Variants in GADL1 observed in about 807,000 individuals in gnomAD.
The protein encoded by GADL1 is acidic amino acid decarboxylase GADL1.
GADL1 carries 71 observed loss-of-function variants against 69.5 expected under a neutral mutation model. That is an observed-to-expected ratio of 1.02 (90% CI 0.84 to 1.25). The LOEUF (loss-of-function observed/expected upper bound fraction) is 1.25, where lower values mean the gene tolerates loss of function less well. Among genes scored for constraint, GADL1 ranks in the 50% most tolerant of loss-of-function variants. The pLI is 0.00. For synonymous variants in GADL1, 254 were observed against 214.4 expected, an observed-to-expected ratio of 1.18 and a Z score of -1.62; for missense variants, 737 against 631.8, an observed-to-expected ratio of 1.17 and a Z score of -1.79.
intron 14 of GADL1, among the ~76,000 whole-genome samples, chr3:30,773,471 G>A (rs9866328): frequency 0.16 from 24,998 of 151,992 alleles, 2,580 homozygotes; most frequent in Non-Finnish European, 0.22. Flanking sequence ...AAAAGAAATC[G>A]CCTGCAACTT....
intron 11 of GADL1, among the ~76,000 whole-genome samples, chr3:30,831,557 A>C (rs1267928969): frequency 1.3e-5 from 2 of 152,002 alleles, no homozygotes; most frequent in African/African-American, 4.8e-5. Flanking sequence ...ACATTTCAAA[A>C]TTACCCCAAA....
intron 1 of GADL1, among the ~76,000 whole-genome samples, chr3:30,892,647 T>C (rs1345955347): frequency 6.6e-6 from 1 of 152,170 alleles, no homozygotes; most frequent in Non-Finnish European, 1.5e-5. Flanking sequence ...GGTTTTTTTG[T>C]TACTGTTTTT....
At chr3:30,884,256 G>C (rs1464244351) in intron 1 of GADL1, among the ~76,000 whole-genome samples, 1 of 152,026 alleles carries the variant, frequency 6.6e-6, no homozygotes, top group African/African-American at 2.4e-5. Context: ...ATGAAGCCCA[G>C]CTGGGGAAGG....
At position 30,875,315 on chromosome 3, in the gene GADL1, G is replaced by T. The variant is rs1302562769; in HGVS notation, c.38-13550C>A. ...AAGAAAGGATTCTGAAACCAATTTTGCAATCTATCATAGTCCAGTCTCTGA... is the reference window on the plus strand; with the variant it reads ...AAGAAAGGATTCTGAAACCAATTTTTCAATCTATCATAGTCCAGTCTCTGA... On this transcript the variant is annotated intron_variant, in intron 1 of 14. Transcript: ENST00000282538. 2.0e-5 allele frequency among the ~76,000 whole-genome samples: 3 copies of T among 151,712 alleles called. No homozygotes were observed. The East Asian group carries it at 5.9e-4, about 30-fold the overall frequency.
chr3:30,732,975 G>A (rs577299378), intron 14 of GADL1, among the ~76,000 whole-genome samples: 56 of 152,212 alleles, frequency 3.7e-4, no homozygotes, highest in African/African-American at 1.1e-3. Context: ...GGGACGCAGG[G>A]GTTGTGGTGA....
rs762467935 is a variant in GADL1, at chr3:30,839,109, G to GC, written c.790dup (p.Ala264GlyfsTer19). On this transcript the variant is annotated frameshift_variant, in exon 9 of 15. Coordinates refer to ENST00000282538, the MANE Select transcript of GADL1 (RefSeq NM_207359.3). LOFTEE classifies it high-confidence loss of function. ...AGTGGCACAGACAAGAAACGGTGCT[G>GC]CCCCCTGTAAGAAGGATCCACACAC... The GC allele has an allele frequency of 1.9e-6, 3 of 1,580,144 alleles. No homozygotes were observed. Among genetic ancestry groups the GC allele is most frequent in the South Asian group, 1.2e-5 (1 of 85,066 alleles).
chr3:30,770,158 A>C (rs1405503069), intron 14 of GADL1, among the ~76,000 whole-genome samples: 2 of 152,066 alleles, frequency 1.3e-5, no homozygotes, highest in African/African-American at 4.8e-5. Context: ...ATCACTCCCT[A>C]CTATGTTATG....
At chr3:30,762,019 C>T (rs1244956561) in intron 14 of GADL1, among the ~76,000 whole-genome samples, 1 of 152,152 alleles carries the variant, frequency 6.6e-6, no homozygotes, top group Non-Finnish European at 1.5e-5. Flanking sequence ...GAGTACAGGT[C>T]TTGCAATGTG....
chr3:30,846,772 G>A (rs528808517), intron 6 of GADL1, among the ~76,000 whole-genome samples: 3 of 152,138 alleles, frequency 2.0e-5, no homozygotes, highest in Non-Finnish European at 4.4e-5. Flanking sequence ...GATGTCCTAC[G>A]AAGCACCTGC....
intron 4 of GADL1, 93 bp from the exon 5 acceptor site, chr3:30,851,034 G>A: frequency 7.0e-6 from 5 of 717,984 alleles, no homozygotes; most frequent in Non-Finnish European, 1.2e-5. Context: ...ATTAAACCAA[G>A]TGGCTGCTGA....
At chr3:30,849,952 G>A (rs1441002120) in intron 6 of GADL1, 44 bp downstream of exon 6, 1 of 1,165,442 alleles carries the variant, frequency 8.6e-7, no homozygotes. Flanking sequence ...TCTTAAATAT[G>A]CTTTCTCAGA....
intron 11 of GADL1, among the ~76,000 whole-genome samples, chr3:30,821,969 A>T (rs869484): frequency 0.54 from 82,008 of 151,872 alleles, 25,931 homozygotes; most frequent in African/African-American, 0.88. Context: ...GCTATGTTTT[A>T]TTACAAATTA....
intron 14 of GADL1, among the ~76,000 whole-genome samples, chr3:30,767,907 C>T: frequency 6.6e-6 from 1 of 151,868 alleles, no homozygotes; most frequent in East Asian, 1.9e-4. Flanking sequence ...AATATAAATA[C>T]TTAAAATATG....
intron 1 of GADL1, among the ~76,000 whole-genome samples, chr3:30,872,268 G>A (rs1160806028): frequency 6.6e-6 from 1 of 151,828 alleles, no homozygotes; most frequent in African/African-American, 2.4e-5. Flanking sequence ...ATCCTTTAAT[G>A]TGGCTTAGTG....
At chr3:30,763,083 A>G (rs1204057126) in intron 14 of GADL1, among the ~76,000 whole-genome samples, 1 of 152,184 alleles carries the variant, frequency 6.6e-6, no homozygotes, top group East Asian at 1.9e-4. Flanking sequence ...TAGGTTGACA[A>G]TTAAAAATCT....
At position 30,823,421 on chromosome 3, in the gene GADL1, A is replaced by G. The variant is rs75144794; in HGVS notation, c.1050+10432T>C. ...AATCCCTTTTCTTGTTTGGGACCCA[A>G]AGGTCTCCACCATGAAGTGGAGGTA... On this transcript the variant is annotated intron_variant, in intron 11 of 14. Transcript: ENST00000282538. 9.2e-5 allele frequency among the ~76,000 whole-genome samples: 14 copies of G among 152,108 alleles called. No homozygotes were observed. In the East Asian group the frequency reaches 1.4e-3, roughly 15 times the overall value.
At position 30,838,845 on chromosome 3, in the gene GADL1, T is replaced by C. The variant is rs1439024668; in HGVS notation, c.903+152A>G. On this transcript the variant is annotated intron_variant, in intron 9 of 14. Transcript: ENST00000282538. ...TCGTGGAATCTTCTCATTTATACTT[T>C]ACAAGAAAGTGGCATACTTATTTCC... 7.4e-6 allele frequency: 4 copies of C among 541,230 alleles called. No homozygotes were observed. The African/African-American group carries it at 8.1e-5, about 11-fold the overall frequency. 33.5% of individuals were successfully genotyped at this position (541,230 alleles called of 1,614,324 possible).
intron 11 of GADL1, among the ~76,000 whole-genome samples, chr3:30,831,931 T>C (rs899954455): frequency 6.6e-6 from 1 of 151,964 alleles, no homozygotes; most frequent in Non-Finnish European, 1.5e-5. Flanking sequence ...TTTTGTTCAT[T>C]GTCTTCCCTG....
At chr3:30,828,382 T>A (rs373904776) in intron 11 of GADL1, among the ~76,000 whole-genome samples, 2 of 151,442 alleles carry the variant, frequency 1.3e-5, no homozygotes, top group Admixed American at 6.6e-5. Flanking sequence ...TTTTTTTTCC[T>A]TTACGTTGTA....
Sources: allele counts gnomAD v4.1 joint callset (sites outside exome capture counted in the v4.1 genomes callset), GRCh38; gene constraint gnomAD v4.1.1; transcripts MANE v1.5; gene names NCBI Gene and HGNC (gene_info 2026-07-23, HGNC 2026-07-21).